The following PID1 variants were observed in gnomAD, a reference collection of about 807,000 sequenced individuals.
PID1 encodes PTB-containing, cubilin and LRP1-interacting protein.
A neutral mutation model predicts 19.1 loss-of-function variants in PID1; 10 were observed. That is an observed-to-expected ratio of 0.52 (90% CI 0.32 to 0.89). The LOEUF is 0.89. Among genes scored for constraint, PID1 ranks in the 40% least tolerant of loss-of-function variants. PID1 has a pLI of 0.03. For missense variants in PID1, 248 were observed against 285.3 expected, an observed-to-expected ratio of 0.87 and a Z score of 0.94; for synonymous variants, 130 against 116.0, an observed-to-expected ratio of 1.12 and a Z score of -0.78.
intron 2 of PID1, among the ~76,000 whole-genome samples, chr2:229,060,854 C>T (rs1694199024): frequency 6.7e-6 from 1 of 149,626 alleles, no homozygotes; most frequent in South Asian, 2.1e-4. Context: ...TTGCATTTCC[C>T]TGATGATTAG....
At chr2:229,169,740 A>G (rs1007609903) in intron 1 of PID1, among the ~76,000 whole-genome samples, 1 of 152,288 alleles carries the variant, frequency 6.6e-6, no homozygotes, top group East Asian at 1.9e-4. Flanking sequence ...TTACAGATAT[A>G]TTAACCCTAT....
intron 2 of PID1, among the ~76,000 whole-genome samples, chr2:229,079,752 G>A (rs950924633): frequency 2.0e-5 from 3 of 152,222 alleles, no homozygotes; most frequent in Non-Finnish European, 4.4e-5. Flanking sequence ...TCAAGCATCA[G>A]TTAAATCCAA....
Position 229,039,414 on chromosome 2 carries a change from A to C in PID1, c.178-13306T>G, listed in dbSNP as rs546514452. 3.3e-5 allele frequency among the ~76,000 whole-genome samples: 5 copies of C among 152,350 alleles called. No individual in the cohort carries two copies. The South Asian group carries it at 1.0e-3, about 32-fold the overall frequency. ...TTCATGATAATTTTAAAGAGATGCC[A>C]GCTTGGTGTTTAGATTATATTAGCT... On this transcript the variant is annotated intron_variant, in intron 2 of 2. Transcript: ENST00000392055.
At chr2:229,187,286 C>T (rs1289042762) in intron 1 of PID1, among the ~76,000 whole-genome samples, 1 of 152,144 alleles carries the variant, frequency 6.6e-6, no homozygotes, top group Non-Finnish European at 1.5e-5. Flanking sequence ...CAGCAGCACC[C>T]CACTCCTGGT....
chr2:229,097,169 T>G (rs1385646355), intron 2 of PID1, among the ~76,000 whole-genome samples: 1 of 152,198 alleles, frequency 6.6e-6, no homozygotes, highest in African/African-American at 2.4e-5. Flanking sequence ...TGAAATCACT[T>G]TAAGCTGGTA....
chr2:229,134,577 A>C (rs6436844), intron 2 of PID1, among the ~76,000 whole-genome samples: 5 of 151,830 alleles, frequency 3.3e-5, no homozygotes, highest in African/African-American at 1.2e-4. Context: ...TAAAGCGTGA[A>C]CATTGTTGAA....
intron 2 of PID1, among the ~76,000 whole-genome samples, chr2:229,107,994 C>T (rs1695212875): frequency 6.6e-6 from 1 of 152,124 alleles, no homozygotes; most frequent in Admixed American, 6.6e-5. Context: ...ACCAGAAATC[C>T]GTGCAACACA....
At chr2:229,111,859 G>A (rs1269889915) in intron 2 of PID1, among the ~76,000 whole-genome samples, 1 of 152,142 alleles carries the variant, frequency 6.6e-6, no homozygotes, top group Admixed American at 6.5e-5. Flanking sequence ...TAGGAATGAA[G>A]GCAATTTGAA....
At chr2:229,111,048 G>C (rs944823753) in intron 2 of PID1, among the ~76,000 whole-genome samples, 2 of 152,042 alleles carry the variant, frequency 1.3e-5, no homozygotes, top group African/African-American at 4.8e-5. Context: ...TTTTATAAGG[G>C]GTTTCCCCTT....
intron 2 of PID1, among the ~76,000 whole-genome samples, chr2:229,131,762 A>C (rs1689745778): frequency 6.6e-6 from 1 of 152,226 alleles, no homozygotes; most frequent in Non-Finnish European, 1.5e-5. Context: ...GATGAAGATC[A>C]GCCAAGCAAC....
chr2:229,191,296 T>A (rs972161435), intron 1 of PID1, among the ~76,000 whole-genome samples: 7 of 152,062 alleles, frequency 4.6e-5, no homozygotes, highest in African/African-American at 1.7e-4. Context: ...TGTTCACAGG[T>A]ATCAAATGAA....
At chr2:229,074,909 T>G (rs1694527718) in intron 2 of PID1, among the ~76,000 whole-genome samples, 1 of 152,210 alleles carries the variant, frequency 6.6e-6, no homozygotes, top group Admixed American at 6.5e-5. Context: ...TACATATTTT[T>G]TCTCTCCAGG....
intron 2 of PID1, among the ~76,000 whole-genome samples, chr2:229,137,940 C>T (rs1001435150): frequency 2.6e-5 from 4 of 152,260 alleles, no homozygotes; most frequent in East Asian, 1.9e-4. Context: ...CAGTTCCCTA[C>T]GTAGAACAGG....
chr2:229,138,699 C>T (rs1689906955), intron 2 of PID1, among the ~76,000 whole-genome samples: 1 of 151,966 alleles, frequency 6.6e-6, no homozygotes, highest in Non-Finnish European at 1.5e-5. Context: ...TTTGAGCAAA[C>T]AGACCCCATG....
chr2:229,162,122 G>A (rs569464054), intron 1 of PID1, among the ~76,000 whole-genome samples: 2 of 152,180 alleles, frequency 1.3e-5, no homozygotes, highest in South Asian at 4.1e-4. Flanking sequence ...AGAAAACTAG[G>A]GCACTGCCCT....
intron 2 of PID1, among the ~76,000 whole-genome samples, chr2:229,095,365 C>T (rs1694953828): frequency 2.0e-5 from 3 of 152,238 alleles, no homozygotes; most frequent in Admixed American, 6.5e-5. Context: ...AGGTAAACCT[C>T]TCTCAAATTA....
At chr2:229,251,786 G>C (rs1351391510) in intron 1 of PID1, among the ~76,000 whole-genome samples, 2 of 152,004 alleles carry the variant, frequency 1.3e-5, no homozygotes, top group Non-Finnish European at 2.9e-5. Flanking sequence ...CTAAAGTTCT[G>C]AGGTAGACAT....
At chr2:229,242,520 C>G (rs1689896903) in intron 1 of PID1, among the ~76,000 whole-genome samples, 2 of 152,070 alleles carry the variant, frequency 1.3e-5, no homozygotes, top group South Asian at 4.1e-4. Context: ...TCAGGACTCT[C>G]CTCTACATTT....
intron 2 of PID1, among the ~76,000 whole-genome samples, chr2:229,075,198 C>A (rs1171717459): frequency 6.6e-6 from 1 of 152,092 alleles, no homozygotes; most frequent in Non-Finnish European, 1.5e-5. Flanking sequence ...CATAATGCTA[C>A]CCCAGGAAAA....
Sources: allele counts gnomAD v4.1 joint callset (sites outside exome capture counted in the v4.1 genomes callset), GRCh38; gene constraint gnomAD v4.1.1; transcripts MANE v1.5; gene names NCBI Gene and HGNC (gene_info 2026-07-23, HGNC 2026-07-21).